Variants in CBX7 observed in about 807,000 individuals in gnomAD.
The protein encoded by CBX7 is chromobox protein homolog 7.
CBX7 carries 14 observed loss-of-function variants against 31.4 expected under a neutral mutation model. The ratio of observed to expected loss-of-function variants is 0.45; its 90% CI spans 0.29 to 0.70. The LOEUF (loss-of-function observed/expected upper bound fraction) is 0.70. Among genes scored for constraint, CBX7 ranks in the 30% least tolerant of loss-of-function variants. The probability of loss-of-function intolerance (pLI) is 0.11; values close to 1 mark genes in which losing one functional copy is unlikely to be tolerated. For missense variants in CBX7, 269 were observed against 351.9 expected (o/e 0.76, Z 1.89); for synonymous variants, 159 against 152.6 (o/e 1.04, Z -0.31).
intron 4 of CBX7, chr22:39,135,452 A>C (rs1000358300): frequency 2.0e-5 from 3 of 152,266 alleles, no homozygotes; most frequent in African/African-American, 4.8e-5. Flanking sequence ...AATCTACAAA[A>C]GATTCATGGT....
intron 2 of CBX7, among the ~76,000 whole-genome samples, chr22:39,144,344 A>ATT (rs923001180): frequency 2.0e-5 from 3 of 152,126 alleles, no homozygotes; most frequent in African/African-American, 7.2e-5. Flanking sequence ...GACCCTTAAG[A>ATT]GTCAGGTATT....
At position 39,134,393 on chromosome 22, in the gene CBX7, C is replaced by T. The variant is rs377477474; in HGVS notation, c.598+8G>A. 175 of 1,591,158 alleles carry T rather than the reference C, an allele frequency of 1.1e-4. No individual in the cohort carries two copies. Among genetic ancestry groups the T allele is most frequent in the Middle Eastern group, 1.7e-4 (1 of 5,764 alleles). ...GCTCTGAGGGTCTCTGGGCTGGGGC[C>T]GCCTTACCCTCCTCTTCAGGGGGCT... On this transcript the variant is annotated splice_region_variant and intron_variant, in intron 5 of 5. Coordinates refer to ENST00000216133, the MANE Select transcript of CBX7 (RefSeq NM_175709.5).
At chr22:39,137,828 C>T (rs1352630446) in intron 4 of CBX7, among the ~76,000 whole-genome samples, 5 of 152,152 alleles carry the variant, frequency 3.3e-5, no homozygotes, top group Non-Finnish European at 7.3e-5. Context: ...AGGAGGCCCA[C>T]TCAAAAATGA....
intron 2 of CBX7, among the ~76,000 whole-genome samples, chr22:39,143,317 T>A (rs1482248542): frequency 6.6e-6 from 1 of 151,630 alleles, no homozygotes; most frequent in East Asian, 1.9e-4. Flanking sequence ...AAAAGTAAAA[T>A]AAATTAAACT....
At position 39,133,219 on chromosome 22, in the gene CBX7, T is replaced by A. The variant is rs946729169; in HGVS notation, c.*672A>T. On this transcript the variant is annotated 3_prime_UTR_variant, in exon 6 of 6. Transcript: ENST00000216133. ...CACATGGGAACGTACACGCGAAGGG[T>A]AATGCGTGCACACCTGTGCAGCCAG... The A allele has an allele frequency of 1.3e-5, 2 of 151,986 alleles. No homozygotes were observed. The highest frequency in any genetic ancestry group is 1.3e-4 in the Admixed American group (2 of 15,280). The allele number at this position is 151,986 out of a possible 1,614,324, so 9.4% of individuals were successfully genotyped here.
chr22:39,134,073 G>C (rs377346362), intron 5 of CBX7, 25 bp from the exon 6 acceptor site: 45 of 1,569,914 alleles, frequency 2.9e-5, no homozygotes, highest in Non-Finnish European at 3.8e-5. Flanking sequence ...ACACAGATGG[G>C]GGCAGCGTTG....
chr22:39,150,547 T>C (rs1345559546), intron 1 of CBX7, among the ~76,000 whole-genome samples: 1 of 152,164 alleles, frequency 6.6e-6, no homozygotes, highest in African/African-American at 2.4e-5. Flanking sequence ...GGCTGGAAGA[T>C]CGCTTGAGCC....
intron 2 of CBX7, among the ~76,000 whole-genome samples, chr22:39,144,956 G>A (rs1430807256): frequency 6.6e-6 from 1 of 152,228 alleles, no homozygotes; most frequent in South Asian, 2.1e-4. Context: ...CACTGAGCCA[G>A]TCAGTGGCCG....
In CBX7 at chr22:39,149,824, G is replaced by T; in HGVS notation, c.78C>A (p.Val26=). 1 of 1,613,730 alleles carries T rather than the reference G, an allele frequency of 6.2e-7. No individual in the cohort carries two copies. Among genetic ancestry groups the T allele is most frequent in the Non-Finnish European group, 8.5e-7 (1 of 1,179,778 alleles). Residue 26 remains valine (V), a synonymous_variant, in exon 2 of 6, where the codon GTC becomes GTA. Coordinates refer to ENST00000216133, the MANE Select transcript of CBX7 (RefSeq NM_175709.5). The stretch of plus-strand genomic sequence containing the variant: ...ATCCTTTCCACTTCACCAGATACTC[G>T]ACTTTACCCTGAGAAGAGAGAGAAG... ...IRKKRVRKGK[V]EYLVKWKGWP...
intron 1 of CBX7, among the ~76,000 whole-genome samples, chr22:39,151,433 C>G (rs1306083024): frequency 6.6e-6 from 1 of 152,222 alleles, no homozygotes; most frequent in Non-Finnish European, 1.5e-5. Context: ...CCCTATCTAA[C>G]TTGCTCGGTG....
rs571140839 is a variant in CBX7 at position 39,135,123 on chromosome 22, G to A, written c.247-371C>T. The A allele has an allele frequency of 5.5e-5, 11 of 200,456 alleles. No individual in the cohort carries two copies. In the East Asian group the frequency reaches 1.3e-3, roughly 24 times the overall value. The allele number at this position is 200,456 out of a possible 1,614,324, so 12.4% of individuals were successfully genotyped here. On this transcript the variant is annotated intron_variant, in intron 4 of 5. Transcript: ENST00000216133. ...AGGAAAGGCATCTTTGCTTGCCAGA[G>A]CACCTCCAAAACTGACACTGCCAGC...
intron 2 of CBX7, among the ~76,000 whole-genome samples, chr22:39,145,159 G>C (rs957698358): frequency 5.9e-5 from 9 of 152,178 alleles, no homozygotes; most frequent in African/African-American, 9.7e-5. Context: ...TTGCCGGCCC[G>C]GGCAGCTGGG....
At chr22:39,138,740 C>G in intron 3 of CBX7, 38 bp from the exon 4 acceptor site, 1 of 1,588,352 alleles carries the variant, frequency 6.3e-7, no homozygotes, top group Middle Eastern at 1.7e-4. Context: ...AAAGGAAACA[C>G]TGGTGACATC....
At chr22:39,147,908 T>G (rs1255456412) in intron 2 of CBX7, 1 of 152,258 alleles carries the variant, frequency 6.6e-6, no homozygotes, top group Non-Finnish European at 1.5e-5. Context: ...GCTATCTATC[T>G]AACTTAATCT....
intron 3 of CBX7, among the ~76,000 whole-genome samples, chr22:39,140,732 G>A (rs77685566): frequency 2.2e-4 from 21 of 96,128 alleles, no homozygotes; most frequent in African/African-American, 9.5e-4. Context: ...GCCTGCTGGT[G>A]GGGGGGGCGG....
chr22:39,151,749 G>A (rs1425800177), intron 1 of CBX7, among the ~76,000 whole-genome samples: 4 of 152,020 alleles, frequency 2.6e-5, no homozygotes, highest in Non-Finnish European at 5.9e-5. Flanking sequence ...TTAAATTGCA[G>A]GGTGTATGTT....
intron 4 of CBX7, among the ~76,000 whole-genome samples, chr22:39,138,138 G>A (rs946976741): frequency 8.1e-5 from 12 of 148,218 alleles, no homozygotes; most frequent in Non-Finnish European, 1.2e-4. Flanking sequence ...CCAAGATCGC[G>A]CGCCACTGCA....
Position 39,145,211 on chromosome 22 carries a change from C to G in CBX7, c.114-3775G>C, listed in dbSNP as rs541211797. Among the ~76,000 whole-genome samples the G allele has an allele frequency of 3.3e-5, 5 of 152,328 alleles. No homozygotes were observed. In the South Asian group the frequency reaches 1.0e-3, roughly 32 times the overall value. ...CGCACTTGGCTGCCGAGTGCAGCCC[C>G]AAGTGGGGGGCAGGGGCGGCACCAG... On this transcript the variant is annotated intron_variant, in intron 2 of 5. Coordinates refer to ENST00000216133, the MANE Select transcript of CBX7 (RefSeq NM_175709.5).
intron 2 of CBX7, among the ~76,000 whole-genome samples, chr22:39,143,015 C>A (rs936100204): frequency 6.6e-6 from 1 of 152,150 alleles, no homozygotes; most frequent in African/African-American, 2.4e-5. Flanking sequence ...GTAATTCCAG[C>A]ACTTTGGGTG....
Sources: allele counts gnomAD v4.1 joint callset (sites outside exome capture counted in the v4.1 genomes callset), GRCh38; gene constraint gnomAD v4.1.1; transcripts MANE v1.5; gene names NCBI Gene and HGNC (gene_info 2026-07-23, HGNC 2026-07-21).